HIP1: variants seen among roughly 807,000 people sequenced by gnomAD.
HIP1 encodes huntingtin interacting protein 1, also known as huntingtin-interacting protein 1.
A neutral mutation model predicts 147.6 loss-of-function variants in HIP1; 65 were observed. The observed-to-expected ratio is 0.44, with a 90% CI of 0.36 to 0.54. The LOEUF (loss-of-function observed/expected upper bound fraction) is 0.54. Among genes scored for constraint, HIP1 ranks in the 20% least tolerant of loss-of-function variants. HIP1 has a pLI of 0.00. For missense variants in HIP1, 1,061 were observed against 1,299.6 expected (o/e 0.82, Z 2.82); for synonymous variants, 479 against 504.0 (o/e 0.95, Z 0.67).
At chr7:75,673,320 G>A (rs540459864) in intron 1 of HIP1, among the ~76,000 whole-genome samples, 8 of 152,076 alleles carry the variant, frequency 5.3e-5, no homozygotes, top group Non-Finnish European at 1.2e-4. Context: ...ACTGAGCCCG[G>A]CCTTGTTCTT....
At chr7:75,711,425 A>G (rs1329021231) in intron 1 of HIP1, among the ~76,000 whole-genome samples, 1 of 152,190 alleles carries the variant, frequency 6.6e-6, no homozygotes, top group Non-Finnish European at 1.5e-5. Flanking sequence ...TGAAATGTAG[A>G]CATTTACAGA....
In HIP1 at chr7:75,535,288, C is replaced by T. The variant is rs1794041693; in HGVS notation, c.*2884G>A. On this transcript the variant is annotated 3_prime_UTR_variant, in exon 31 of 31. Coordinates refer to ENST00000336926, the MANE Select transcript of HIP1 (RefSeq NM_005338.7). ...AAAGAGATGGAGTCTCGCTCTGTCA[C>T]TCAGGCTGGAGTGCAGTGGGAAATC... 5.0e-6 allele frequency: 1 copy of T among 200,768 alleles called. No homozygotes were observed. The highest frequency in any genetic ancestry group is 1.0e-5 in the Non-Finnish European group (1 of 97,442). 12.4% of individuals were successfully genotyped at this position (200,768 alleles called of 1,614,324 possible).
chr7:75,639,887 C>A (rs1439702965), intron 1 of HIP1, among the ~76,000 whole-genome samples: 1 of 152,092 alleles, frequency 6.6e-6, no homozygotes, highest in African/African-American at 2.4e-5. Context: ...GGAAGTGGAA[C>A]AGGTATCCCC....
In HIP1 at chr7:75,599,250, G is replaced by T; in HGVS notation, c.121-3C>A. ...ATGGCCTTATTGATGCTGACAGTCT[G>T]AAAAACAAGAAGGGGGGAGGGAAAG... is the stretch of plus-strand genomic sequence containing the variant. On this transcript the variant is annotated splice_polypyrimidine_tract_variant and splice_region_variant and intron_variant, in intron 1 of 30. Transcript: ENST00000336926. 1 of 1,608,890 alleles carries T rather than the reference G, an allele frequency of 6.2e-7. No homozygotes were observed. The highest frequency in any genetic ancestry group is 1.1e-5 in the South Asian group (1 of 90,948).
chr7:75,590,825 A>G (rs1796476694), intron 4 of HIP1, among the ~76,000 whole-genome samples: 1 of 152,184 alleles, frequency 6.6e-6, no homozygotes, highest in Admixed American at 6.6e-5. Flanking sequence ...ACAACTCTCA[A>G]CTTTGTTCTG....
In HIP1 at chr7:75,608,697, G is replaced by T. The variant is rs79335846; in HGVS notation, c.121-9450C>A. Among the ~76,000 whole-genome samples the T allele has an allele frequency of 9.7e-3, 1,481 of 152,312 alleles. 30 individuals carry two copies. The highest frequency in any genetic ancestry group is 0.034 in the African/African-American group (1,402 of 41,564). On this transcript the variant is annotated intron_variant, in intron 1 of 30. Transcript: ENST00000336926. ...GCAGTTTCTGGATGAACTTAAAGCTGTCTCATGAAAGAGAACTCCTCATTA... is the reference window on the plus strand; with the variant it reads ...GCAGTTTCTGGATGAACTTAAAGCTTTCTCATGAAAGAGAACTCCTCATTA...
At chr7:75,602,494 C>CTTT (rs60265858) in intron 1 of HIP1, among the ~76,000 whole-genome samples, 3 of 71,502 alleles carry the variant, frequency 4.2e-5, no homozygotes, top group African/African-American at 7.6e-5. Flanking sequence ...CAGATATGCT[C>CTTT]TTTTTTTTTT....
At chr7:75,632,973 G>A (rs184999807) in intron 1 of HIP1, among the ~76,000 whole-genome samples, 236 of 152,262 alleles carry the variant, frequency 1.5e-3, no homozygotes, top group Middle Eastern at 3.4e-3. Context: ...ACATGGACAC[G>A]TGGCAGGGAA....
Position 75,568,322 on chromosome 7 carries a change from C to T in HIP1, c.746-66G>A, listed in dbSNP as rs1795486513. On this transcript the variant is annotated intron_variant, in intron 8 of 30. Coordinates refer to ENST00000336926, the MANE Select transcript of HIP1 (RefSeq NM_005338.7). This position sits in a 1 kb window ranked among gnomAD's most constrained non-coding sequence, Gnocchi z 4.1. ...AGAGGGCAGGGAAGCCACAGCGGGG[C>T]TCTCGAGGGGGAGGGGCCCAGCTAC... is the stretch of plus-strand genomic sequence containing the variant. 9.4e-7 allele frequency: 1 copy of T among 1,066,444 alleles called. No homozygotes were observed. Among genetic ancestry groups the T allele is most frequent in the Non-Finnish European group, 1.5e-6 (1 of 680,940 alleles). The allele number at this position is 1,066,444 out of a possible 1,614,324, so 66.1% of individuals were successfully genotyped here.
intron 1 of HIP1, among the ~76,000 whole-genome samples, chr7:75,602,405 A>C (rs1435376419): frequency 2.2e-5 from 3 of 134,226 alleles, no homozygotes; most frequent in Non-Finnish European, 3.1e-5. Context: ...GATTCCAGTG[A>C]TCCTCCTACC....
At chr7:75,573,944 A>T (rs369241379) in intron 7 of HIP1, 43 bp from the exon 8 acceptor site, 2 of 1,580,748 alleles carry the variant, frequency 1.3e-6, no homozygotes, top group Admixed American at 3.4e-5. Flanking sequence ...GAGCCAGGGG[A>T]TTACAGGCAG....
chr7:75,719,399 G>A (rs1801430674), intron 1 of HIP1, among the ~76,000 whole-genome samples: 2 of 151,776 alleles, frequency 1.3e-5, no homozygotes, highest in African/African-American at 4.8e-5. Flanking sequence ...AGCTACTCAG[G>A]AGGCTGAGGC....
intron 1 of HIP1, among the ~76,000 whole-genome samples, chr7:75,703,087 C>G (rs570119044): frequency 6.6e-6 from 1 of 152,184 alleles, no homozygotes; most frequent in Non-Finnish European, 1.5e-5. Context: ...AGGTGGCTCA[C>G]GCCTGTAATC....
intron 1 of HIP1, among the ~76,000 whole-genome samples, chr7:75,732,334 C>T (rs1264236794): frequency 2.0e-5 from 3 of 152,054 alleles, no homozygotes; most frequent in African/African-American, 4.8e-5. Flanking sequence ...CTGACGTATG[C>T]GCTATCCACC....
At chr7:75,583,754 ATTTGTGTG>A (rs1234730435) in intron 5 of HIP1, among the ~76,000 whole-genome samples, 4 of 83,614 alleles carry the variant, frequency 4.8e-5, no homozygotes, top group African/African-American at 1.5e-4. Flanking sequence ...ATGCGGGCTA[ATTTGTGTG>A]TGTGTGTGTG....
At chr7:75,544,254 C>T (rs1393096708) in intron 27 of HIP1, among the ~76,000 whole-genome samples, 2 of 151,874 alleles carry the variant, frequency 1.3e-5, no homozygotes, top group Non-Finnish European at 2.9e-5. Context: ...ATCGAATCCA[C>T]CTGAGCCCTG....
At chr7:75,731,251 G>C (rs1413935135) in intron 1 of HIP1, among the ~76,000 whole-genome samples, 1 of 151,816 alleles carries the variant, frequency 6.6e-6, no homozygotes, top group Admixed American at 6.6e-5. Context: ...GGGAGGCCAA[G>C]GTGGGCGGAT....
At chr7:75,599,842 T>C (rs906884645) in intron 1 of HIP1, among the ~76,000 whole-genome samples, 103 of 149,526 alleles carry the variant, frequency 6.9e-4, no homozygotes, top group African/African-American at 2.3e-3. Flanking sequence ...CGTTAACTTT[T>C]TTTTTTTTTT....
At chr7:75,649,572 A>G (rs1798908099) in intron 1 of HIP1, among the ~76,000 whole-genome samples, 1 of 152,116 alleles carries the variant, frequency 6.6e-6, no homozygotes, top group South Asian at 2.1e-4. Context: ...GCACACTCCA[A>G]TTACCTGGGA....
Sources: allele counts gnomAD v4.1 joint callset (sites outside exome capture counted in the v4.1 genomes callset), GRCh38; gene constraint gnomAD v4.1.1; non-coding constraint Gnocchi (gnomAD v3.1); transcripts MANE v1.5; gene names NCBI Gene and HGNC (gene_info 2026-07-23, HGNC 2026-07-21).